The following GTF2H5 variants were observed in gnomAD, a reference collection of about 807,000 sequenced individuals.
GTF2H5 encodes general transcription factor IIH subunit 5.
In GTF2H5, 5 loss-of-function variants were observed where a neutral mutation model predicts 7.1. The observed-to-expected ratio is 0.71, with a 90% CI of 0.37 to 1.49. The LOEUF is 1.49. Ranked by LOEUF, GTF2H5 falls within the 40% of genes most tolerant of loss-of-function variation. The pLI is 0.03. For synonymous variants in GTF2H5, 30 were observed against 31.7 expected (o/e 0.95, Z 0.18); for missense variants, 80 against 83.0 (o/e 0.96, Z 0.14).
At chr6:158,185,778 C>T (rs983127581) in intron 2 of GTF2H5, among the ~76,000 whole-genome samples, 11 of 151,810 alleles carry the variant, frequency 7.2e-5, no homozygotes, top group African/African-American at 2.4e-4. Flanking sequence ...GAGGCCGAGG[C>T]GGGTGGGTTG....
chr6:158,191,823 T>A (rs1777031889), intron 2 of GTF2H5, among the ~76,000 whole-genome samples, 154 bp from the exon 3 acceptor site: 1 of 152,196 alleles, frequency 6.6e-6, no homozygotes, highest in South Asian at 2.1e-4. Flanking sequence ...TGTCTATAAA[T>A]TGTTAACACT....
intron 2 of GTF2H5, among the ~76,000 whole-genome samples, chr6:158,180,846 T>TTTG (rs1786000400): frequency 2.6e-5 from 4 of 151,468 alleles, no homozygotes; most frequent in Admixed American, 2.6e-4. Flanking sequence ...TTTTTTTTTT[T>TTTG]GAAGGGTTTT....
intron 2 of GTF2H5, among the ~76,000 whole-genome samples, chr6:158,176,217 T>A (rs751124395): frequency 5.3e-5 from 8 of 152,174 alleles, no homozygotes; most frequent in Non-Finnish European, 8.8e-5. Context: ...AAACTAAGTA[T>A]AATATTGTGT....
chr6:158,178,611 G>A (rs1049259074), intron 2 of GTF2H5, among the ~76,000 whole-genome samples: 2 of 152,152 alleles, frequency 1.3e-5, no homozygotes, highest in African/African-American at 4.8e-5. Context: ...GTGATGATGA[G>A]CATTTTTTTA....
At chr6:158,169,289 T>TAAAA (rs1785705195) in intron 1 of GTF2H5, among the ~76,000 whole-genome samples, 2 of 128,448 alleles carry the variant, frequency 1.6e-5, no homozygotes, top group Non-Finnish European at 3.1e-5. Context: ...ATAATATATA[T>TAAAA]TTATTTTATA....
intron 2 of GTF2H5, among the ~76,000 whole-genome samples, chr6:158,179,132 G>A (rs1268688575): frequency 2.6e-5 from 4 of 152,176 alleles, no homozygotes; most frequent in Non-Finnish European, 5.9e-5. Flanking sequence ...TGTGTGTCAG[G>A]TTTGTCAAAG....
At chr6:158,188,201 T>A (rs190510052) in intron 2 of GTF2H5, among the ~76,000 whole-genome samples, 86 of 152,284 alleles carry the variant, frequency 5.6e-4, no homozygotes, top group Non-Finnish European at 7.5e-4. Flanking sequence ...AAGGAAAGCT[T>A]AATTGTAGAG....
intron 1 of GTF2H5, among the ~76,000 whole-genome samples, chr6:158,169,437 T>TTA (rs1251942093): frequency 4.5e-5 from 3 of 66,806 alleles, no homozygotes; most frequent in Non-Finnish European, 6.9e-5. Context: ...ATATTGTATA[T>TTA]TATATATATT....
At chr6:158,189,996 G>A (rs546475991) in intron 2 of GTF2H5, among the ~76,000 whole-genome samples, 5 of 152,120 alleles carry the variant, frequency 3.3e-5, no homozygotes, top group South Asian at 2.1e-4. Context: ...TTTCTACCTC[G>A]GTGGTCACTT....
At position 158,199,043 on chromosome 6, in the gene GTF2H5, G is replaced by C. The variant is rs1422757709; in HGVS notation, c.*6886G>C. ...TTCTCCATGATTAGCACCTTTATGTGGTTATCTCATTATTTTCATTCCTTT... is the reference window on the plus strand; with the variant it reads ...TTCTCCATGATTAGCACCTTTATGTCGTTATCTCATTATTTTCATTCCTTT... On this transcript the variant is annotated 3_prime_UTR_variant, in exon 3 of 3. Transcript: ENST00000607778. 1 of 152,108 alleles carries C rather than the reference G, an allele frequency of 6.6e-6. No individual in the cohort carries two copies. The highest frequency in any genetic ancestry group is 1.5e-5 in the Non-Finnish European group (1 of 68,024). 9.4% of individuals were successfully genotyped at this position (152,108 alleles called of 1,614,324 possible).
intron 2 of GTF2H5, among the ~76,000 whole-genome samples, chr6:158,172,061 C>T (rs528875741): frequency 7.9e-5 from 12 of 151,866 alleles, no homozygotes; most frequent in Non-Finnish European, 1.3e-4. Context: ...TTTTTTCCCT[C>T]GTTTCTTCCA....
intron 1 of GTF2H5, among the ~76,000 whole-genome samples, chr6:158,169,467 T>TTGTATATTATATATATAATATAC (rs1562468238): frequency 1.6e-5 from 1 of 64,426 alleles, no homozygotes; most frequent in African/African-American, 9.0e-5. Context: ...ATATATTATA[T>TTGTATATTATATATATAATATAC]TGTATATTAT....
chr6:158,178,023 A>G (rs1437555278), intron 2 of GTF2H5, among the ~76,000 whole-genome samples: 6 of 152,206 alleles, frequency 3.9e-5, no homozygotes, highest in East Asian at 1.9e-4. Context: ...TAGTGCCACA[A>G]TAAACATACA....
At chr6:158,187,642 A>G (rs975176436) in intron 2 of GTF2H5, among the ~76,000 whole-genome samples, 1 of 151,936 alleles carries the variant, frequency 6.6e-6, no homozygotes, top group Non-Finnish European at 1.5e-5. Context: ...ATCTTGGCTC[A>G]CTGCAAGCTC....
In GTF2H5 at chr6:158,198,609, T is replaced by TA. The variant is rs1285037875; in HGVS notation, c.*6452_*6453insA. 2 of 152,300 alleles carry TA rather than the reference T, an allele frequency of 1.3e-5. No individual in the cohort carries two copies. The highest frequency in any genetic ancestry group is 6.5e-5 in the Admixed American group (1 of 15,280). The allele number at this position is 152,300 out of a possible 1,614,324, so 9.4% of individuals were successfully genotyped here. On this transcript the variant is annotated 3_prime_UTR_variant, in exon 3 of 3. Coordinates refer to ENST00000607778, the MANE Select transcript of GTF2H5 (RefSeq NM_207118.3). ...TTGTATTTTTGGTAGAGACGGGGTTTGCACCATGTTGGCCAGGCTGGTCTC... is the reference window on the plus strand; with the variant it reads ...TTGTATTTTTGGTAGAGACGGGGTTTAGCACCATGTTGGCCAGGCTGGTCTC...
intron 1 of GTF2H5, among the ~76,000 whole-genome samples, chr6:158,169,467 T>TATAATATAC (rs1785740548): frequency 1.6e-5 from 1 of 64,428 alleles, no homozygotes; most frequent in African/African-American, 8.9e-5. Flanking sequence ...ATATATTATA[T>TATAATATAC]TGTATATTAT....
chr6:158,175,010 A>ATGTGTGTGTGTGTGTGTG (rs200557393), intron 2 of GTF2H5, among the ~76,000 whole-genome samples: 1 of 138,244 alleles, frequency 7.2e-6, no homozygotes, highest in Admixed American at 7.2e-5. Flanking sequence ...TGTGCCTGAG[A>ATGTGTGTGTGTGTGTGTG]TGTGTGTGTG....
chr6:158,182,694 C>T (rs371462478), intron 2 of GTF2H5, among the ~76,000 whole-genome samples: 1 of 151,816 alleles, frequency 6.6e-6, no homozygotes, highest in Non-Finnish European at 1.5e-5. Flanking sequence ...ATGTGCTTCA[C>T]GAAGTTCTCG....
chr6:158,169,716 A>G (rs1192977821), intron 1 of GTF2H5, among the ~76,000 whole-genome samples: 2 of 85,550 alleles, frequency 2.3e-5, no homozygotes, highest in South Asian at 2.8e-4. Flanking sequence ...TGTATATTAT[A>G]TATTATATAA....
Sources: allele counts gnomAD v4.1 joint callset (sites outside exome capture counted in the v4.1 genomes callset), GRCh38; gene constraint gnomAD v4.1.1; transcripts MANE v1.5; gene names NCBI Gene and HGNC (gene_info 2026-07-23, HGNC 2026-07-21).